The following NUTM2F variants were observed in gnomAD, a reference collection of about 807,000 sequenced individuals.
NUTM2F encodes the protein family with sequence similarity 22, member F.
A neutral mutation model predicts 43.3 loss-of-function variants in NUTM2F; 22 were observed. That is an observed-to-expected ratio of 0.51 (90% confidence interval 0.36 to 0.73). The LOEUF (loss-of-function observed/expected upper bound fraction) is 0.73. Among genes scored for constraint, NUTM2F ranks in the 30% least tolerant of loss-of-function variants. NUTM2F has a pLI of 0.00. For missense variants in NUTM2F, 488 were observed against 927.4 expected (o/e 0.53, Z 6.15); for synonymous variants, 202 against 389.0 (o/e 0.52, Z 5.66).
At chr9:94,322,683 G>A (rs1161541195) in intron 2 of NUTM2F, among the ~76,000 whole-genome samples, 6 of 151,976 alleles carry the variant, frequency 3.9e-5, no homozygotes, top group Non-Finnish European at 8.8e-5. Context: ...CATGAGCGTG[G>A]GTCCCAGTCA....
At position 94,320,812 on chromosome 9, in the gene NUTM2F, G is replaced by A. The variant is rs931398893; in HGVS notation, c.983-219C>T. Among the ~76,000 whole-genome samples, 2 of 152,162 alleles carry A rather than the reference G, an allele frequency of 1.3e-5. No individual in the cohort carries two copies. Among genetic ancestry groups the A allele is most frequent in the Admixed American group, 6.5e-5 (1 of 15,274 alleles). ...CACCGATATGCCGTGTACTCTCCCC[G>A]CTCATCTCTGCTTCCTGGGCAGAGC... On this transcript the variant is annotated intron_variant, in intron 4 of 6. Transcript: ENST00000253262. This position sits in a 1 kb window ranked among gnomAD's most constrained non-coding sequence, Gnocchi z 4.5.
At position 94,323,537 on chromosome 9, in the gene NUTM2F, G is replaced by A. The variant is rs1831406555; in HGVS notation, c.714-1208C>T. ...GGCTGCTGGGCTCGTGGTGCACTCA[G>A]AGCTATCACTGGAGCCCGTGGCTTT... On this transcript the variant is annotated intron_variant, in intron 2 of 6. Transcript: ENST00000253262. Among the ~76,000 whole-genome samples, 4 of 152,146 alleles carry A rather than the reference G, an allele frequency of 2.6e-5. No homozygotes were observed. In the South Asian group the frequency reaches 8.3e-4, roughly 32 times the overall value.
At chr9:94,326,959 C>T (rs1390195380) in intron 1 of NUTM2F, among the ~76,000 whole-genome samples, 1 of 150,100 alleles carries the variant, frequency 6.7e-6, no homozygotes, top group Non-Finnish European at 1.5e-5. Context: ...GCTCAGTTCC[C>T]AGGGAGCAGA....
intron 1 of NUTM2F, among the ~76,000 whole-genome samples, 185 bp downstream of exon 1, chr9:94,328,423 C>A (rs1428382936): frequency 4.6e-5 from 7 of 152,138 alleles, no homozygotes; most frequent in Non-Finnish European, 8.8e-5. Flanking sequence ...CTCTAAGGAG[C>A]CCTCCTCCCT....
intron 4 of NUTM2F, 61 bp downstream of exon 4, chr9:94,321,032 T>C: frequency 6.6e-7 from 1 of 1,517,754 alleles, no homozygotes; most frequent in Non-Finnish European, 8.8e-7. Flanking sequence ...GTGGGGACAG[T>C]GGCCTCCCTT....
intron 1 of NUTM2F, among the ~76,000 whole-genome samples, chr9:94,327,330 C>T (rs1831463761): frequency 6.6e-6 from 1 of 151,806 alleles, no homozygotes; most frequent in African/African-American, 2.4e-5. Flanking sequence ...TCTTGAACTC[C>T]TGACCTCGTG....
intron 2 of NUTM2F, among the ~76,000 whole-genome samples, chr9:94,322,635 T>TGTGTCA (rs1351462983): frequency 6.6e-5 from 10 of 152,196 alleles, no homozygotes; most frequent in Admixed American, 2.6e-4. Context: ...TCAGTGTCAG[T>TGTGTCA]GTGTCAGTAT....
In NUTM2F at chr9:94,320,406, G is replaced by T. The variant is rs200706481; in HGVS notation, c.1170C>A (p.Ile390=). 1.0e-3 allele frequency: 1,612 copies of T among 1,612,896 alleles called. 14 individuals carry two copies. In the African/African-American group the frequency reaches 0.019, roughly 19 times the overall value. ...CATACTCCTGCACCACTTCAGGGGG[G>T]ATCTCCTCAGGGACCTTGGTCTCCG... The part of the protein sequence containing the change: ...RPAETKVPEE[I]PPEVVQEYVD... Residue 390 remains isoleucine (I), a synonymous_variant, in exon 5 of 7, where the codon ATC becomes ATA. Coordinates refer to ENST00000253262, the MANE Select transcript of NUTM2F (RefSeq NM_017561.2). This position sits in a 1 kb window ranked among gnomAD's most constrained non-coding sequence, Gnocchi z 4.5.
Position 94,319,111 on chromosome 9 carries a change from T to TG in NUTM2F, c.1624dup (p.Gln542ProfsTer87). 9.2e-7 allele frequency: 1 copy of TG among 1,092,458 alleles called. No homozygotes were observed. Among genetic ancestry groups the TG allele is most frequent in the Non-Finnish European group, 1.2e-6 (1 of 810,292 alleles). 67.7% of individuals were successfully genotyped at this position (1,092,458 alleles called of 1,614,324 possible). A position where few individuals can be genotyped will look rare whatever the true frequency, so the allele number is the denominator to read the frequency against. On this transcript the variant is annotated frameshift_variant, in exon 7 of 7. Transcript: ENST00000253262. LOFTEE classifies it low-confidence loss of function (END_TRUNC). ...GGAGGTTTCCACGCTGACCCTTTGT[T>TG]GGGGGTCAGGGACCTCTCTCGCTGC...
chr9:94,328,023 C>T (rs1222351423), intron 1 of NUTM2F, among the ~76,000 whole-genome samples: 5 of 151,556 alleles, frequency 3.3e-5, no homozygotes, highest in Admixed American at 6.6e-5. Flanking sequence ...ACGGAGAAGC[C>T]ATCTCTGGGG....
rs772188131 is a variant in NUTM2F at position 94,320,392 on chromosome 9, A to T, written c.1184T>A (p.Val395Glu). 6 of 1,612,984 alleles carry T rather than the reference A, an allele frequency of 3.7e-6. No individual in the cohort carries two copies. The African/African-American group carries it at 5.3e-5, about 14-fold the overall frequency. The part of the protein sequence containing the change: ...KVPEEIPPEV[V>E]QEYVDIMEEL... The stretch of plus-strand genomic sequence containing the variant: ...CTCCATGATGTCCACATACTCCTGC[A>T]CCACTTCAGGGGGGATCTCCTCAGG... Residue 395 changes from valine (V) to glutamate (E), a missense_variant, in exon 5 of 7, where the codon GTG becomes GAG. Physicochemically the swap from Val to Glu is moderately radical, Grantham distance 121 (BLOSUM62 -2). Transcript: ENST00000253262. The surrounding 1 kb of genome is among the most constrained non-coding windows in gnomAD (Gnocchi z 4.5).
intron 6 of NUTM2F, 102 bp downstream of exon 6, chr9:94,319,511 G>A: frequency 2.1e-6 from 3 of 1,399,426 alleles, no homozygotes; most frequent in Non-Finnish European, 3.0e-6. Flanking sequence ...CCAAGAAGCT[G>A]AACATCCCCA....
chr9:94,325,772 G>A lies in NUTM2F; in HGVS notation c.179C>T (p.Pro60Leu), dbSNP rs368298226. The A allele has an allele frequency of 1.4e-4, 219 of 1,612,040 alleles. No homozygotes were observed. The highest frequency in any genetic ancestry group is 1.7e-4 in the Non-Finnish European group (205 of 1,179,870). Residue 60 changes from proline (P) to leucine (L), a missense_variant, in exon 2 of 7, where the codon CCC (proline) becomes CTC (leucine). Physicochemically the swap from Pro to Leu is moderately conservative, Grantham distance 98. Coordinates refer to ENST00000253262, the MANE Select transcript of NUTM2F (RefSeq NM_017561.2). ...CTGTCCTGCCACTAGAGGGGTGCTG[G>A]GGAAGGCAGAGAGCACCAGAGGGCC... ...PAGPLVLSAF[P>L]STPLVAGQDG...
chr9:94,319,581 G>A (rs373221023), intron 6 of NUTM2F, 32 bp downstream of exon 6: 150 of 1,612,038 alleles, frequency 9.3e-5, no homozygotes, highest in Non-Finnish European at 1.2e-4. Context: ...TGCCCCTGGA[G>A]TACCTGGGTT....
intron 2 of NUTM2F, among the ~76,000 whole-genome samples, chr9:94,324,410 C>T (rs1282817826): frequency 1.3e-5 from 2 of 151,906 alleles, no homozygotes; most frequent in East Asian, 1.9e-4. Context: ...TGCCTGCAAT[C>T]GCAGCACTTT....
chr9:94,321,069 C>T lies in NUTM2F; in HGVS notation c.982+24G>A, dbSNP rs982854857. 3.9e-6 allele frequency: 6 copies of T among 1,541,888 alleles called. No individual in the cohort carries two copies. The African/African-American group carries it at 8.2e-5, about 21-fold the overall frequency. ...GCCCCTTTGGCCTTTGCCATGGCTC[C>T]TGTGGGAATGTGGGAAGCTGTACCT... On this transcript the variant is annotated intron_variant, in intron 4 of 6. Transcript: ENST00000253262.
intron 2 of NUTM2F, 94 bp from the exon 3 acceptor site, chr9:94,322,423 T>A: frequency 1.3e-6 from 2 of 1,526,842 alleles, no homozygotes; most frequent in Admixed American, 1.8e-5. Context: ...TCCCCACACC[T>A]GTCCTGCCAT....
At chr9:94,327,092 ATTT>A (rs1459982510) in intron 1 of NUTM2F, among the ~76,000 whole-genome samples, 1 of 134,858 alleles carries the variant, frequency 7.4e-6, no homozygotes, top group Non-Finnish European at 1.6e-5. Flanking sequence ...GTGTCTAGGG[ATTT>A]TCTTTTTTTT....
chr9:94,325,720 C>T lies in NUTM2F; in HGVS notation c.231G>A (p.Gly77=), dbSNP rs750747837. The change falls in exon 2 of 7, where the codon GGG becomes GGA. Residue 77 remains glycine (G), a synonymous_variant. Coordinates refer to ENST00000253262, the MANE Select transcript of NUTM2F (RefSeq NM_017561.2). Reference sequence around the variant, plus strand: ...TCATCTGGACAAAGACGTTGGAAGCCCCGGCCCCACTCGGGCCGCGGCCAT... The same window carrying T: ...TCATCTGGACAAAGACGTTGGAAGCTCCGGCCCCACTCGGGCCGCGGCCAT... ...GQDGRGPSGA[G]ASNVFVQMRT... 2.5e-6 allele frequency: 4 copies of T among 1,611,786 alleles called. No individual in the cohort carries two copies. Among genetic ancestry groups the T allele is most frequent in the Admixed American group, 3.3e-5 (2 of 60,022 alleles).
Sources: allele counts gnomAD v4.1 joint callset (sites outside exome capture counted in the v4.1 genomes callset), GRCh38; gene constraint gnomAD v4.1.1; non-coding constraint Gnocchi (gnomAD v3.1); transcripts MANE v1.5; gene names NCBI Gene and HGNC (gene_info 2026-07-23, HGNC 2026-07-21).